FHIT: variants seen among roughly 807,000 people sequenced by gnomAD.
The protein encoded by FHIT is fragile histidine triad diadenosine triphosphatase.
FHIT carries 19 observed loss-of-function variants against 17.9 expected under a neutral mutation model. That is an observed-to-expected ratio of 1.06 (90% CI 0.74 to 1.56). FHIT has a LOEUF of 1.56. Ranked by LOEUF, FHIT falls within the 40% of genes most tolerant of loss-of-function variation. FHIT has a pLI of 0.00. For synonymous variants in FHIT, 81 were observed against 69.7 expected (o/e 1.16, Z -0.81); for missense variants, 248 against 189.2 (o/e 1.31, Z -1.82).
chr3:59,917,737 T>C (rs1041005089), intron 8 of FHIT, among the ~76,000 whole-genome samples: 1 of 152,198 alleles, frequency 6.6e-6, no homozygotes, highest in African/African-American at 2.4e-5. Context: ...AGGCTCATAC[T>C]CTGAAATGTC....
At chr3:60,063,625 G>C (rs1282560712) in intron 5 of FHIT, among the ~76,000 whole-genome samples, 1 of 152,210 alleles carries the variant, frequency 6.6e-6, no homozygotes, top group East Asian at 1.9e-4. Flanking sequence ...TTTTCCTTCT[G>C]TCTGGTTGTT....
chr3:59,908,580 T>C (rs1168197849), intron 8 of FHIT, among the ~76,000 whole-genome samples: 1 of 152,068 alleles, frequency 6.6e-6, no homozygotes, highest in East Asian at 1.9e-4. Flanking sequence ...GCAAAGTGGA[T>C]TACTTGGACA....
At chr3:60,286,766 G>C (rs955807955) in intron 5 of FHIT, among the ~76,000 whole-genome samples, 5 of 152,114 alleles carry the variant, frequency 3.3e-5, no homozygotes, top group African/African-American at 1.2e-4. Context: ...ATTTTATTCA[G>C]TTTTCTTTCA....
chr3:59,975,230 G>A (rs1708357397), intron 7 of FHIT, among the ~76,000 whole-genome samples: 2 of 152,088 alleles, frequency 1.3e-5, no homozygotes, highest in South Asian at 4.1e-4. Context: ...TGAATTAGAA[G>A]AAGGCAACAT....
intron 5 of FHIT, among the ~76,000 whole-genome samples, chr3:60,347,385 A>G (rs1372167520): frequency 6.6e-6 from 1 of 152,222 alleles, no homozygotes; most frequent in Non-Finnish European, 1.5e-5. Flanking sequence ...CAAATAAATG[A>G]GATGGAACCA....
At chr3:60,204,500 G>C (rs750228536) in intron 5 of FHIT, among the ~76,000 whole-genome samples, 4 of 149,006 alleles carry the variant, frequency 2.7e-5, no homozygotes, top group African/African-American at 9.9e-5. Context: ...CATGTTGCCC[G>C]GACTGGTCTT....
intron 3 of FHIT, among the ~76,000 whole-genome samples, chr3:60,876,780 C>G (rs1704679877): frequency 1.3e-5 from 2 of 152,074 alleles, no homozygotes; most frequent in Non-Finnish European, 2.9e-5. Context: ...CAGTGACAGC[C>G]AAAACAATGA....
At chr3:60,718,820 C>G (rs1304156159) in intron 4 of FHIT, among the ~76,000 whole-genome samples, 1 of 152,160 alleles carries the variant, frequency 6.6e-6, no homozygotes, top group Admixed American at 6.6e-5. Context: ...GACTGTGGAA[C>G]TTCTCAGAGC....
At chr3:60,942,445 A>G (rs1196082273) in intron 3 of FHIT, among the ~76,000 whole-genome samples, 2 of 152,192 alleles carry the variant, frequency 1.3e-5, no homozygotes, top group African/African-American at 2.4e-5. Flanking sequence ...ATTAGAAGGT[A>G]TATTTTCAAG....
chr3:59,859,489 G>A (rs558227617), intron 8 of FHIT, among the ~76,000 whole-genome samples: 18 of 152,282 alleles, frequency 1.2e-4, no homozygotes, highest in Admixed American at 2.0e-4. Context: ...AGGCTGAGGC[G>A]GGTGGATCAC....
chr3:61,148,165 C>A (rs1458821703), intron 2 of FHIT, among the ~76,000 whole-genome samples: 1 of 151,784 alleles, frequency 6.6e-6, no homozygotes, highest in South Asian at 2.1e-4. Flanking sequence ...AACAAACACA[C>A]ATCATCTTTT....
intron 3 of FHIT, among the ~76,000 whole-genome samples, chr3:60,855,656 A>C (rs1703351636): frequency 6.6e-6 from 1 of 152,162 alleles, no homozygotes; most frequent in Non-Finnish European, 1.5e-5. Flanking sequence ...CAGAACTCAC[A>C]TACTATCTTA....
chr3:60,962,589 T>A (rs1377377699), intron 3 of FHIT, among the ~76,000 whole-genome samples: 1 of 152,228 alleles, frequency 6.6e-6, no homozygotes, highest in Admixed American at 6.5e-5. Flanking sequence ...CTTGCATTAT[T>A]TTCAGACACG....
At chr3:61,095,661 A>T (rs2035615937) in intron 2 of FHIT, among the ~76,000 whole-genome samples, 1 of 151,964 alleles carries the variant, frequency 6.6e-6, no homozygotes, top group South Asian at 2.1e-4. Flanking sequence ...TAAAAAAAAA[A>T]ATTCATCTTT....
chr3:60,646,925 C>A (rs1383074875), intron 4 of FHIT, among the ~76,000 whole-genome samples: 1 of 152,202 alleles, frequency 6.6e-6, no homozygotes, highest in Non-Finnish European at 1.5e-5. Context: ...AGCGAAACTG[C>A]AATGCTATCA....
At chr3:60,316,885 T>C (rs1481213049) in intron 5 of FHIT, among the ~76,000 whole-genome samples, 2 of 152,220 alleles carry the variant, frequency 1.3e-5, no homozygotes, top group African/African-American at 2.4e-5. Flanking sequence ...CTGAGGACTT[T>C]GGATTACCTG....
At chr3:60,428,144 G>C (rs1228421678) in intron 5 of FHIT, among the ~76,000 whole-genome samples, 7 of 152,104 alleles carry the variant, frequency 4.6e-5, no homozygotes, top group Non-Finnish European at 1.0e-4. Context: ...ACAACCCCAA[G>C]AGGGCTCTCA....
At chr3:60,028,456 AAGTCT>A (rs1360886890) in intron 5 of FHIT, among the ~76,000 whole-genome samples, 1 of 152,184 alleles carries the variant, frequency 6.6e-6, no homozygotes, top group African/African-American at 2.4e-5. Context: ...ACTTCTTCCA[AAGTCT>A]GTCAGTGACT....
chr3:60,511,783 T>A (rs1268250881), intron 5 of FHIT, among the ~76,000 whole-genome samples: 1 of 152,084 alleles, frequency 6.6e-6, no homozygotes, highest in Non-Finnish European at 1.5e-5. Context: ...GCAGGGAAAG[T>A]ATGTTATGCC....
Sources: allele counts gnomAD v4.1 joint callset (sites outside exome capture counted in the v4.1 genomes callset), GRCh38; gene constraint gnomAD v4.1.1; transcripts MANE v1.5; gene names NCBI Gene and HGNC (gene_info 2026-07-23, HGNC 2026-07-21).